Variants in CABP7 observed in about 807,000 individuals in gnomAD.
CABP7 encodes calcium binding protein 7, also known as calcium-binding protein 7.
Under a neutral mutation model 23.1 loss-of-function variants are expected in CABP7, and 13 were observed. The ratio of observed to expected loss-of-function variants is 0.56; its 90% CI spans 0.37 to 0.90. CABP7 has a LOEUF of 0.90. CABP7 is among the 40% of genes least tolerant of loss of function. The pLI is 0.01. For missense variants in CABP7, 248 were observed against 295.6 expected (o/e 0.84, Z 1.18); for synonymous variants, 123 against 115.3 (o/e 1.07, Z -0.43).
In CABP7 at chr22:29,720,747, C is replaced by T. The variant is rs532126087; in HGVS notation, c.109+214C>T. 1.1e-3 allele frequency among the ~76,000 whole-genome samples: 164 copies of T among 151,580 alleles called. 1 individual carries two copies. The highest frequency in any genetic ancestry group is 3.7e-3 in the African/African-American group (155 of 41,472). ...TCGCTCAGGCGGAGAGCGGCCCAGCCCCTGCCCGCGTGGTCCCCAGCGCTG... is the reference window on the plus strand; with the variant it reads ...TCGCTCAGGCGGAGAGCGGCCCAGCTCCTGCCCGCGTGGTCCCCAGCGCTG... On this transcript the variant is annotated intron_variant, in intron 1 of 4. Transcript: ENST00000216144. This position sits in a 1 kb window ranked among gnomAD's most constrained non-coding sequence, Gnocchi z 5.2.
At position 29,729,473 on chromosome 22, in the gene CABP7, C is replaced by T. The variant is rs767434955; in HGVS notation, c.552C>T (p.Cys184=). The change falls in exon 5 of 5, where the codon TGC becomes TGT. Residue 184 remains cysteine, a synonymous_variant. Coordinates refer to ENST00000216144, the MANE Select transcript of CABP7 (RefSeq NM_182527.3). ...CCAACCAGCAGATCCGCCAGACTTG[C>T]GTGCGCAAGAGTCTCATCTGCGCCT... ...TCSNQQIRQT[C]VRKSLICAFA... is the part of the protein sequence containing the mutation. The T allele has an allele frequency of 2.2e-5, 35 of 1,611,656 alleles. No homozygotes were observed. The highest frequency in any genetic ancestry group is 2.5e-5 in the Non-Finnish European group (30 of 1,179,976).
In CABP7 at chr22:29,720,702, C is replaced by G. The variant is rs2147204448; in HGVS notation, c.109+169C>G. On this transcript the variant is annotated intron_variant, in intron 1 of 4. Transcript: ENST00000216144. This position sits in a 1 kb window ranked among gnomAD's most constrained non-coding sequence, Gnocchi z 5.2. The stretch of plus-strand genomic sequence containing the variant: ...CCCCGCGGCAAGACCTGTCCGCACC[C>G]CGGGGCGCCGCGGTGGGGGTCGCTC... Among the ~76,000 whole-genome samples the G allele has an allele frequency of 6.6e-6, 1 of 151,732 alleles. No individual in the cohort carries two copies. The highest frequency in any genetic ancestry group is 2.0e-4 in the East Asian group (1 of 5,126).
intron 4 of CABP7, 42 bp downstream of exon 4, chr22:29,729,250 C>T (rs1276929078): frequency 6.3e-7 from 1 of 1,583,852 alleles, no homozygotes; most frequent in Non-Finnish European, 8.6e-7. Flanking sequence ...GGCCCAGTGA[C>T]TTGGCCAGGG....
chr22:29,720,615 G>T lies in CABP7; in HGVS notation c.109+82G>T, dbSNP rs1414999586. ...AAGCGCGGGCCAGGGGCGCGGGGGCGGGGGGCGGGGGGCGGTCCGCAGGTG... is the reference window on the plus strand; with the variant it reads ...AAGCGCGGGCCAGGGGCGCGGGGGCTGGGGGCGGGGGGCGGTCCGCAGGTG... On this transcript the variant is annotated intron_variant, in intron 1 of 4. Transcript: ENST00000216144. The surrounding 1 kb of genome is among the most constrained non-coding windows in gnomAD (Gnocchi z 5.2). 2 of 739,168 alleles carry T rather than the reference G, an allele frequency of 2.7e-6. No homozygotes were observed. Among genetic ancestry groups the T allele is most frequent in the South Asian group, 2.2e-5 (1 of 44,660 alleles). 45.8% of individuals were successfully genotyped at this position (739,168 alleles called of 1,614,324 possible). A position where few individuals can be genotyped will look rare whatever the true frequency, so the allele number is the denominator to read the frequency against.
At position 29,727,839 on chromosome 22, in the gene CABP7, G is replaced by A; in HGVS notation, c.253+34G>A. 6.3e-7 allele frequency: 1 copy of A among 1,590,896 alleles called. No individual in the cohort carries two copies. The highest frequency in any genetic ancestry group is 1.1e-5 in the South Asian group (1 of 88,894). On this transcript the variant is annotated intron_variant, in intron 2 of 4. Coordinates refer to ENST00000216144, the MANE Select transcript of CABP7 (RefSeq NM_182527.3). The surrounding 1 kb of genome is among the most constrained non-coding windows in gnomAD (Gnocchi z 4.2). ...CCCCCCGCCTCGGTTTCCCCACCTG[G>A]CATCTGGGCCCTGGGGGTGGGGCAG...
At position 29,720,632 on chromosome 22, in the gene CABP7, C is replaced by A; in HGVS notation, c.109+99C>A. ...GCGGGGGCGGGGGGCGGGGGGCGGT[C>A]CGCAGGTGCCGGTTGCCAGGTGGGC... On this transcript the variant is annotated intron_variant, in intron 1 of 4. Coordinates refer to ENST00000216144, the MANE Select transcript of CABP7 (RefSeq NM_182527.3). This position sits in a 1 kb window ranked among gnomAD's most constrained non-coding sequence, Gnocchi z 5.2. The A allele has an allele frequency of 1.6e-6, 1 of 642,408 alleles. No homozygotes were observed. Among genetic ancestry groups the A allele is most frequent in the Non-Finnish European group, 2.4e-6 (1 of 422,176 alleles). 39.8% of individuals were successfully genotyped at this position (642,408 alleles called of 1,614,324 possible).
At chr22:29,729,238 T>G (rs910145270) in intron 4 of CABP7, 30 bp downstream of exon 4, 1 of 1,584,454 alleles carries the variant, frequency 6.3e-7, no homozygotes, top group Non-Finnish European at 8.6e-7. Flanking sequence ...ACCCCACGGG[T>G]GGGCCCAGTG....
intron 1 of CABP7, among the ~76,000 whole-genome samples, chr22:29,721,708 C>T (rs1006152995): frequency 2.6e-5 from 4 of 152,188 alleles, no homozygotes; most frequent in Non-Finnish European, 4.4e-5. Flanking sequence ...CAGAATGGGT[C>T]GGGGGAAGAT....
At chr22:29,728,608 A>G (rs746696717) in intron 2 of CABP7, 22 bp from the exon 3 acceptor site, 1 of 1,505,012 alleles carries the variant, frequency 6.6e-7, no homozygotes, top group Non-Finnish European at 9.3e-7. Flanking sequence ...CCACTGATTG[A>G]TTGGACCTGT....
chr22:29,724,013 C>T (rs2067779176), intron 1 of CABP7, among the ~76,000 whole-genome samples: 1 of 152,178 alleles, frequency 6.6e-6, no homozygotes, highest in African/African-American at 2.4e-5. Flanking sequence ...CCCTGCCAGC[C>T]CATTGCCAGC....
At chr22:29,722,973 C>T (rs1324713963) in intron 1 of CABP7, among the ~76,000 whole-genome samples, 1 of 152,248 alleles carries the variant, frequency 6.6e-6, no homozygotes, top group Admixed American at 6.5e-5. Context: ...GGGTTTGAGT[C>T]TCTGCACCTT....
rs1335317750 is a variant in CABP7 at position 29,730,943 on chromosome 22, A to T, written c.*1374A>T. ...CTCAGAGCACCCAGTGTAGGGAAAC[A>T]CAGCCAGACCACTGTGGTGACAGAC... On this transcript the variant is annotated 3_prime_UTR_variant, in exon 5 of 5. Transcript: ENST00000216144. 7.3e-6 allele frequency: 2 copies of T among 273,506 alleles called. No homozygotes were observed. Among genetic ancestry groups the T allele is most frequent in the African/African-American group, 4.4e-5 (2 of 45,038 alleles). The allele number at this position is 273,506 out of a possible 1,614,324, so 16.9% of individuals were successfully genotyped here. A position where few individuals can be genotyped will look rare whatever the true frequency, so the allele number is the denominator to read the frequency against.
At chr22:29,721,406 C>T (rs1017247265) in intron 1 of CABP7, among the ~76,000 whole-genome samples, 1 of 152,244 alleles carries the variant, frequency 6.6e-6, no homozygotes, top group East Asian at 1.9e-4. Flanking sequence ...TCCCCTCCCC[C>T]CAGACCTCCT....
chr22:29,729,107 CCTT>C lies in CABP7; in HGVS notation c.422_424del (p.Phe141del). 1 of 1,611,568 alleles carries C rather than the reference CCTT, an allele frequency of 6.2e-7. No individual in the cohort carries two copies. Among genetic ancestry groups the C allele is most frequent in the Non-Finnish European group, 8.5e-7 (1 of 1,179,992 alleles). On this transcript the variant is annotated inframe_deletion, in exon 4 of 5. Transcript: ENST00000216144. ...GAGCTGAAGCGGCTGCTCTACGACA[CCTT>C]CTGCGAGCACCTGTCCATGAAGGAC...
chr22:29,722,320 G>A (rs1348749158), intron 1 of CABP7, among the ~76,000 whole-genome samples: 8 of 152,228 alleles, frequency 5.3e-5, no homozygotes, highest in Non-Finnish European at 1.0e-4. Flanking sequence ...GGGCAAGGCC[G>A]CAGGCTCCCC....
rs1177129663 is a variant in CABP7, at chr22:29,731,254, G to C, written c.*1685G>C. 6.6e-7 allele frequency: 1 copy of C among 1,514,030 alleles called. No individual in the cohort carries two copies. The highest frequency in any genetic ancestry group is 1.5e-5 in the African/African-American group (1 of 68,054). The allele number at this position is 1,514,030 out of a possible 1,614,324, so 93.8% of individuals were successfully genotyped here. ...CCCCACTGGACTCTGGGCTGCAGAG[G>C]CCACCCCCCAGGTGGGGGTGCCCGC... On this transcript the variant is annotated 3_prime_UTR_variant, in exon 5 of 5. Coordinates refer to ENST00000216144, the MANE Select transcript of CABP7 (RefSeq NM_182527.3).
chr22:29,729,001 GC>G (rs1314913233), intron 3 of CABP7, 53 bp from the exon 4 acceptor site: 2 of 1,591,986 alleles, frequency 1.3e-6, no homozygotes, highest in East Asian at 4.5e-5. Flanking sequence ...GCCGTGGGGT[GC>G]TGGGTGGGGG....
chr22:29,725,796 G>T (rs899670782), intron 1 of CABP7, among the ~76,000 whole-genome samples: 1 of 152,206 alleles, frequency 6.6e-6, no homozygotes, highest in Admixed American at 6.5e-5. Context: ...AGGGCCCCTA[G>T]CCTGGATGGA....
rs2067827104 is a variant in CABP7 at position 29,729,963 on chromosome 22, C to G, written c.*394C>G. ...CTTGAGACAGCAGCCTATCTGGGGC[C>G]ACACAGCCAACCCAGCCCTGGTCCC... is the stretch of plus-strand genomic sequence containing the variant. On this transcript the variant is annotated 3_prime_UTR_variant, in exon 5 of 5. Coordinates refer to ENST00000216144, the MANE Select transcript of CABP7 (RefSeq NM_182527.3). The G allele has an allele frequency of 4.7e-6, 1 of 210,732 alleles. No homozygotes were observed. Among genetic ancestry groups the G allele is most frequent in the African/African-American group, 2.3e-5 (1 of 42,944 alleles). 13.1% of individuals were successfully genotyped at this position (210,732 alleles called of 1,614,324 possible).
Sources: allele counts gnomAD v4.1 joint callset (sites outside exome capture counted in the v4.1 genomes callset), GRCh38; gene constraint gnomAD v4.1.1; non-coding constraint Gnocchi (gnomAD v3.1); transcripts MANE v1.5; gene names NCBI Gene and HGNC (gene_info 2026-07-23, HGNC 2026-07-21).